Variants in ZBTB20 observed in about 807,000 individuals in gnomAD.
ZBTB20 encodes the protein zinc finger and BTB domain-containing protein 20.
ZBTB20 carries 9 observed loss-of-function variants against 56.9 expected under a neutral mutation model. The ratio of observed to expected loss-of-function variants is 0.16; its 90% CI spans 0.10 to 0.28. ZBTB20 has a LOEUF of 0.28. ZBTB20 is among the 10% of genes least tolerant of loss of function. The pLI, the probability that ZBTB20 is intolerant of heterozygous loss-of-function variation, is 1.00. For synonymous variants in ZBTB20, 417 were observed against 420.7 expected (o/e 0.99, Z 0.11); for missense variants, 655 against 1,003.0 (o/e 0.65, Z 4.69).
Position 114,339,131 on chromosome 3 carries a change from G to A in ZBTB20, c.2100C>T (p.Arg700=), listed in dbSNP as rs772866543. ...TPPAGTPPGA[R]AGPPGVVACT... ...AGGCCACCACGCCTGGGGGGCCAGC[G>A]CGGGCACCTGGGGGTGTGCCTGCAG... The change falls in exon 12 of 12, where the codon CGC becomes CGT. Residue 700 remains arginine (R), a synonymous_variant. Transcript: ENST00000675478. The surrounding 1 kb of genome is among the most constrained non-coding windows in gnomAD (Gnocchi z 4.2). 18 of 1,612,316 alleles carry A rather than the reference G, an allele frequency of 1.1e-5. No individual in the cohort carries two copies. The highest frequency in any genetic ancestry group is 3.3e-5 in the Admixed American group (2 of 59,942).
chr3:115,029,764 T>G (rs2080588103), intron 2 of ZBTB20, among the ~76,000 whole-genome samples: 1 of 150,904 alleles, frequency 6.6e-6, no homozygotes, highest in Non-Finnish European at 1.5e-5. Context: ...AAGAGTTATA[T>G]GTAAACAATA....
At chr3:115,091,109 A>G (rs1202045877) in intron 1 of ZBTB20, among the ~76,000 whole-genome samples, 1 of 151,804 alleles carries the variant, frequency 6.6e-6, no homozygotes, top group East Asian at 1.9e-4. Flanking sequence ...CCAAAAACAA[A>G]TGAACAAAAA....
intron 10 of ZBTB20, among the ~76,000 whole-genome samples, chr3:114,359,007 T>C (rs768022420): frequency 2.0e-5 from 3 of 152,144 alleles, no homozygotes; most frequent in Non-Finnish European, 4.4e-5. Flanking sequence ...TAGGACCTCA[T>C]GGTATGCTTT....
chr3:114,972,905 A>G (rs557702378), intron 3 of ZBTB20, among the ~76,000 whole-genome samples: 1 of 152,040 alleles, frequency 6.6e-6, no homozygotes, highest in Non-Finnish European at 1.5e-5. Flanking sequence ...CTTGATTCTT[A>G]GTATGGTAAC....
rs142230895 is a variant in ZBTB20 at position 114,350,314 on chromosome 3, G to C, written c.1764C>G (p.Thr588=). The C allele has an allele frequency of 6.2e-7, 1 of 1,613,136 alleles. No homozygotes were observed. The highest frequency in any genetic ancestry group is 8.5e-7 in the Non-Finnish European group (1 of 1,179,252). ...YECTLCNKTF[T]AKQNYVKHMF... is the part of the protein sequence containing the mutation. ...TGTGCTTGACGTAGTTCTGTTTGGC[G>C]GTGAAAGTCTTGTTGCAGAGAGTGC... The change falls in exon 11 of 12, where the codon ACC becomes ACG. Residue 588 remains threonine (T), a synonymous_variant. Coordinates refer to ENST00000675478, the MANE Select transcript of ZBTB20 (RefSeq NM_001348800.3).
chr3:114,492,944 A>C (rs2042900780), intron 7 of ZBTB20, among the ~76,000 whole-genome samples: 1 of 152,238 alleles, frequency 6.6e-6, no homozygotes, highest in Non-Finnish European at 1.5e-5. Context: ...CCATACACTC[A>C]TGAATACTAC....
At chr3:114,371,988 G>C (rs1374210088) in intron 10 of ZBTB20, among the ~76,000 whole-genome samples, 2 of 151,962 alleles carry the variant, frequency 1.3e-5, no homozygotes, top group African/African-American at 4.8e-5. Context: ...TACCTAGTGT[G>C]AGGTGACTGG....
intron 1 of ZBTB20, among the ~76,000 whole-genome samples, chr3:115,096,590 C>CT (rs2083387586): frequency 6.6e-6 from 1 of 152,202 alleles, no homozygotes. Flanking sequence ...ACCAGTCATT[C>CT]TTTTGCCAGA....
intron 3 of ZBTB20, among the ~76,000 whole-genome samples, chr3:114,971,295 T>G (rs912656663): frequency 6.6e-6 from 1 of 152,166 alleles, no homozygotes; most frequent in African/African-American, 2.4e-5. Flanking sequence ...GAAGATTCTG[T>G]GTAAGGTTGG....
intron 3 of ZBTB20, chr3:114,931,056 G>T: frequency 5.9e-6 from 1 of 170,790 alleles, no homozygotes; most frequent in Non-Finnish European, 1.4e-5. Context: ...TGCCGGCCCT[G>T]CTGCAGGCGA....
At chr3:114,903,606 A>G (rs1460491270) in intron 3 of ZBTB20, among the ~76,000 whole-genome samples, 1 of 152,074 alleles carries the variant, frequency 6.6e-6, no homozygotes, top group African/African-American at 2.4e-5. Context: ...CTCCATTCCT[A>G]TGACTGAAAA....
intron 6 of ZBTB20, among the ~76,000 whole-genome samples, chr3:114,602,437 C>CCTAA (rs1183199448): frequency 6.6e-6 from 1 of 151,980 alleles, no homozygotes; most frequent in African/African-American, 2.4e-5. Flanking sequence ...AAGGCTCACT[C>CCTAA]CTAACTGTTT....
At chr3:114,518,501 T>C (rs1358860231) in intron 6 of ZBTB20, 1 of 152,246 alleles carries the variant, frequency 6.6e-6, no homozygotes, top group East Asian at 1.9e-4. Context: ...GTGTTTTTCT[T>C]TTCTTGGCCC....
intron 6 of ZBTB20, among the ~76,000 whole-genome samples, chr3:114,642,634 C>G (rs1175655875): frequency 6.6e-6 from 1 of 152,038 alleles, no homozygotes; most frequent in Non-Finnish European, 1.5e-5. Context: ...TGGAAGCCTG[C>G]AAACCTAAGT....
intron 2 of ZBTB20, among the ~76,000 whole-genome samples, chr3:115,047,313 C>CA (rs1384003886): frequency 6.6e-6 from 1 of 152,074 alleles, no homozygotes; most frequent in Non-Finnish European, 1.5e-5. Context: ...GATTATTTGA[C>CA]AAAGTTTGAG....
At chr3:114,920,643 A>C (rs2075921631) in intron 3 of ZBTB20, among the ~76,000 whole-genome samples, 1 of 152,168 alleles carries the variant, frequency 6.6e-6, no homozygotes. Context: ...GAATGCCTAC[A>C]TTAATAAAAG....
At chr3:114,457,286 C>G (rs2092077238) in intron 7 of ZBTB20, among the ~76,000 whole-genome samples, 1 of 152,150 alleles carries the variant, frequency 6.6e-6, no homozygotes, top group Non-Finnish European at 1.5e-5. Context: ...TGATATTGGT[C>G]CCATAGAGTT....
At chr3:114,862,485 C>A (rs536246634) in intron 4 of ZBTB20, among the ~76,000 whole-genome samples, 1 of 151,454 alleles carries the variant, frequency 6.6e-6, no homozygotes, top group Non-Finnish European at 1.5e-5. Context: ...GTTCAAAACT[C>A]GAATAAACAT....
At chr3:114,429,129 C>A (rs1295490468) in intron 7 of ZBTB20, among the ~76,000 whole-genome samples, 1 of 152,102 alleles carries the variant, frequency 6.6e-6, no homozygotes, top group African/African-American at 2.4e-5. Flanking sequence ...GGACTAGATT[C>A]ATTTGTTCAG....
Sources: gnomAD v4.1 joint callset for allele counts (sites outside exome capture counted in the v4.1 genomes callset) on GRCh38, gnomAD v4.1.1 for gene constraint, Gnocchi (gnomAD v3.1) non-coding constraint, MANE v1.5 for transcripts, NCBI Gene and HGNC (gene_info 2026-07-23, HGNC 2026-07-21) for gene names.